CYP2E1: variants seen among roughly 807,000 people sequenced by gnomAD.
CYP2E1 encodes the protein cytochrome P450 family 2 subfamily E member 1.
In CYP2E1, 31 loss-of-function variants were observed where a neutral mutation model predicts 42.9. That is an observed-to-expected ratio of 0.72 (90% CI 0.54 to 0.98). CYP2E1 has a LOEUF of 0.98. CYP2E1 is among the 50% of genes least tolerant of loss of function. The pLI is 0.00. For missense variants in CYP2E1, 565 were observed against 633.2 expected (o/e 0.89, Z 1.16); for synonymous variants, 244 against 248.9 (o/e 0.98, Z 0.19).
In CYP2E1 at chr10:133,532,926, T is replaced by A. The variant is rs1200492625; in HGVS notation, c.825+58T>A. 9 of 1,488,618 alleles carry A rather than the reference T, an allele frequency of 6.0e-6. No individual in the cohort carries two copies. The Middle Eastern group carries it at 7.4e-4, about 122-fold the overall frequency. 92.2% of individuals were successfully genotyped at this position (1,488,618 alleles called of 1,614,324 possible). A position where few individuals can be genotyped will look rare whatever the true frequency, so the allele number is the denominator to read the frequency against. ...CGGGGTGGGCAGAGAATGCACAATT[T>A]CAGATTTACAGAGTGAGCTGCACTT... On this transcript the variant is annotated intron_variant, in intron 5 of 8. Transcript: ENST00000252945.
chr10:133,531,775 A>C (rs1851340845), intron 3 of CYP2E1, 41 bp downstream of exon 3: 1 of 1,541,558 alleles, frequency 6.5e-7, no homozygotes, highest in South Asian at 1.3e-5. Context: ...CCTCTTGCAG[A>C]CCAGCGGTGT....
intron 2 of CYP2E1, among the ~76,000 whole-genome samples, chr10:133,530,586 G>T (rs575671028): frequency 5.9e-5 from 9 of 152,284 alleles, no homozygotes; most frequent in Admixed American, 5.9e-4. Context: ...CCCTGCAGGC[G>T]CCTCCCAGGA....
intron 6 of CYP2E1, among the ~76,000 whole-genome samples, chr10:133,534,412 C>T (rs1047685324): frequency 2.0e-5 from 3 of 152,072 alleles, no homozygotes; most frequent in Non-Finnish European, 2.9e-5. Flanking sequence ...CCTGGGGCAG[C>T]TGGGACTCTG....
chr10:133,538,723 C>T, intron 8 of CYP2E1, 57 bp from the exon 9 acceptor site: 1 of 1,492,586 alleles, frequency 6.7e-7, no homozygotes, highest in Non-Finnish European at 9.3e-7. Context: ...TCACTGTTAA[C>T]AGTGTCGTGT....
At chr10:133,536,389 C>A (rs996427819) in intron 6 of CYP2E1, among the ~76,000 whole-genome samples, 17 of 150,296 alleles carry the variant, frequency 1.1e-4, no homozygotes, top group African/African-American at 4.2e-4. Flanking sequence ...GGATGGATGG[C>A]TGGATGGGTG....
chr10:133,533,470 C>A (rs1373899680), intron 5 of CYP2E1, among the ~76,000 whole-genome samples: 1 of 152,196 alleles, frequency 6.6e-6, no homozygotes, highest in African/African-American at 2.4e-5. Context: ...TTAGCTCCTG[C>A]CTGAGCTATG....
At chr10:133,528,236 G>GA in intron 1 of CYP2E1, 1 of 431,514 alleles carries the variant, frequency 2.3e-6, no homozygotes, top group East Asian at 3.5e-5. Context: ...AGTTGCCGCG[G>GA]AGTTGTCCGC....
chr10:133,530,899 T>A (rs1851328009), intron 2 of CYP2E1, among the ~76,000 whole-genome samples: 1 of 152,196 alleles, frequency 6.6e-6, no homozygotes, highest in South Asian at 2.1e-4. Context: ...GCGAACATTT[T>A]TAAAGAATAA....
In CYP2E1 at chr10:133,533,767, T is replaced by C. The variant is rs1383519539; in HGVS notation, c.837T>C (p.Ser279=). ...LLVEMEKEKH[S]AERLYTMDGI... ...CTCCGGTATCACAGGAAAAGCACAG[T>C]GCAGAGCGCTTGTACACAATGGACG... The change falls in exon 6 of 9, where the codon AGT becomes AGC. Residue 279 remains serine, a synonymous_variant. Coordinates refer to ENST00000252945, the MANE Select transcript of CYP2E1 (RefSeq NM_000773.4). 2 of 1,614,122 alleles carry C rather than the reference T, an allele frequency of 1.2e-6. No individual in the cohort carries two copies. The highest frequency in any genetic ancestry group is 1.7e-6 in the Non-Finnish European group (2 of 1,180,000).
rs142907528 is a variant in CYP2E1 at position 133,531,714 on chromosome 10, A to T, written c.467A>T (p.Glu156Val). ...CAGAGGGAGGCCCACTTCCTGCTGG[A>T]AGCACTCAGGAAGACCCAAGGTGCG... ...RIQREAHFLL[E>V]ALRKTQGQPF... The change falls in exon 3 of 9, where the codon GAA (glutamate) becomes GTA (valine). Residue 156 changes from glutamate (E) to valine (V), a missense_variant. Coordinates refer to ENST00000252945, the MANE Select transcript of CYP2E1 (RefSeq NM_000773.4). 24 of 1,604,230 alleles carry T rather than the reference A, an allele frequency of 1.5e-5. No individual in the cohort carries two copies. Among genetic ancestry groups the T allele is most frequent in the Non-Finnish European group, 1.9e-5 (22 of 1,175,348 alleles).
Position 133,531,569 on chromosome 10 carries a change from G to A in CYP2E1, c.338-16G>A. On this transcript the variant is annotated splice_polypyrimidine_tract_variant and intron_variant, in intron 2 of 8. Transcript: ENST00000252945. ...TGGGTATTTAGAATAACCTTCTGCT[G>A]GCCCCTCTGCCTTAGGAATCATTTT... 6.2e-7 allele frequency: 1 copy of A among 1,613,846 alleles called. No homozygotes were observed. The highest frequency in any genetic ancestry group is 2.2e-5 in the East Asian group (1 of 44,868).
Position 133,537,759 on chromosome 10 carries a change from C to A in CYP2E1, c.1164C>A (p.Val388=). ...FRGYLIPKGT[V]VVPTLDSVLY... is the part of the protein sequence containing the mutation. ...GTCTTTGTTTCTCCTAGGGCACAGT[C>A]GTAGTGCCAACTCTGGACTCTGTTT... Residue 388 remains valine, a synonymous_variant, in exon 8 of 9, where the codon GTC becomes GTA. Transcript: ENST00000252945. The A allele has an allele frequency of 6.2e-6, 10 of 1,613,396 alleles. No homozygotes were observed. Among genetic ancestry groups the A allele is most frequent in the Non-Finnish European group, 7.6e-6 (9 of 1,179,570 alleles).
At chr10:133,527,833 C>A (rs1423782274) in intron 1 of CYP2E1, among the ~76,000 whole-genome samples, 2 of 152,210 alleles carry the variant, frequency 1.3e-5, no homozygotes, top group Non-Finnish European at 2.9e-5. Flanking sequence ...CGAGGCCGGG[C>A]TGCTGCGACG....
At chr10:133,528,732 AAACT>A in intron 2 of CYP2E1, 92 bp downstream of exon 2, 1 of 1,437,514 alleles carries the variant, frequency 7.0e-7, no homozygotes. Context: ...GCCAAATAAT[AAACT>A]AACAGTAATA....
rs1851355009 is a variant in CYP2E1, at chr10:133,532,827, C to G, written c.784C>G (p.Pro262Ala). 1 of 1,611,150 alleles carries G rather than the reference C, an allele frequency of 6.2e-7. No individual in the cohort carries two copies. The highest frequency in any genetic ancestry group is 1.7e-5 in the Admixed American group (1 of 59,538). ...CCATCAATCTCTGGACCCCAACTGT[C>G]CCCGGGACCTCACCGACTGCCTGCT... is the stretch of plus-strand genomic sequence containing the variant. ...EHHQSLDPNC[P>A]RDLTDCLLVE... Residue 262 changes from proline to alanine, a missense_variant, in exon 5 of 9, where the codon CCC (proline) becomes GCC (alanine). Coordinates refer to ENST00000252945, the MANE Select transcript of CYP2E1 (RefSeq NM_000773.4).
chr10:133,531,774 G>A (rs1851340795), intron 3 of CYP2E1, 40 bp downstream of exon 3: 4 of 1,541,566 alleles, frequency 2.6e-6, no homozygotes, highest in Non-Finnish European at 3.5e-6. Flanking sequence ...TCCTCTTGCA[G>A]ACCAGCGGTG....
At chr10:133,533,985 C>T (rs1851370330) in intron 6 of CYP2E1, 88 bp downstream of exon 6, 1 of 1,392,560 alleles carries the variant, frequency 7.2e-7, no homozygotes, top group Non-Finnish European at 1.0e-6. Flanking sequence ...AGCTTTCTGT[C>T]TGAAGCTGCT....
Position 133,538,934 on chromosome 10 carries a change from T to C in CYP2E1, c.1452T>C (p.Arg484=). 2 of 1,613,668 alleles carry C rather than the reference T, an allele frequency of 1.2e-6. No individual in the cohort carries two copies. The highest frequency in any genetic ancestry group is 1.7e-6 in the Non-Finnish European group (2 of 1,179,794). ...TTGGGTTTGGCTGTATCCCACCACG[T>C]TACAAACTCTGTGTCATTCCCCGCT... is the stretch of plus-strand genomic sequence containing the variant. The part of the protein sequence containing the change: ...IHIGFGCIPP[R]YKLCVIPRS Residue 484 remains arginine (R), a synonymous_variant, in exon 9 of 9, where the codon CGT becomes CGC. Transcript: ENST00000252945.
At position 133,538,813 on chromosome 10, in the gene CYP2E1, G is replaced by T. The variant is rs764917641; in HGVS notation, c.1331G>T (p.Arg444Leu). 1.2e-6 allele frequency: 2 copies of T among 1,614,050 alleles called. No homozygotes were observed. The highest frequency in any genetic ancestry group is 8.5e-7 in the Non-Finnish European group (1 of 1,180,008). ...KRVCAGEGLA[R>L]MELFLLLCAI... ...GTGTGTGCTGGAGAAGGCCTGGCTC[G>T]CATGGAGTTGTTTCTTTTGTTGTGT... Residue 444 changes from arginine (R) to leucine (L), a missense_variant, in exon 9 of 9, where the codon CGC becomes CTC. By Grantham distance (102) the Arg-to-Leu change is moderately radical. Coordinates refer to ENST00000252945, the MANE Select transcript of CYP2E1 (RefSeq NM_000773.4).
Sources: gnomAD v4.1 joint callset for allele counts (sites outside exome capture counted in the v4.1 genomes callset) on GRCh38, gnomAD v4.1.1 for gene constraint, MANE v1.5 for transcripts, NCBI Gene and HGNC (gene_info 2026-07-23, HGNC 2026-07-21) for gene names.